The following FTO variants were observed in gnomAD, a reference collection of about 807,000 sequenced individuals.
FTO encodes the protein FTO alpha-ketoglutarate dependent dioxygenase.
In FTO, 47 loss-of-function variants were observed where a neutral mutation model predicts 63.9. The ratio of observed to expected loss-of-function variants is 0.74; its 90% CI spans 0.58 to 0.94. FTO has a LOEUF of 0.94. FTO is among the 40% of genes least tolerant of loss of function. The pLI is 0.00. For missense variants in FTO, 562 were observed against 618.1 expected (o/e 0.91, Z 0.96); for synonymous variants, 207 against 224.4 (o/e 0.92, Z 0.69).
intron 2 of FTO, among the ~76,000 whole-genome samples, chr16:53,819,636 T>C (rs2078796746): frequency 6.6e-6 from 1 of 152,204 alleles, no homozygotes; most frequent in Non-Finnish European, 1.5e-5. Context: ...ATTTTATGAT[T>C]TATTTTATAC....
intron 8 of FTO, among the ~76,000 whole-genome samples, chr16:53,995,389 A>G (rs2083910540): frequency 6.6e-6 from 1 of 152,164 alleles, no homozygotes; most frequent in South Asian, 2.1e-4. Context: ...TTTAAAAGTC[A>G]TTCGTCAGCC....
At chr16:53,732,304 G>C (rs967256694) in intron 1 of FTO, among the ~76,000 whole-genome samples, 1 of 152,074 alleles carries the variant, frequency 6.6e-6, no homozygotes, top group Non-Finnish European at 1.5e-5. Context: ...ACCTGTGTTG[G>C]CCTCCCAAAG....
At chr16:54,075,971 T>C (rs2085982358) in intron 8 of FTO, among the ~76,000 whole-genome samples, 1 of 152,176 alleles carries the variant, frequency 6.6e-6, no homozygotes, top group Admixed American at 6.5e-5. Flanking sequence ...CACTAGAATA[T>C]GCGAGGCCGG....
intron 8 of FTO, among the ~76,000 whole-genome samples, chr16:54,053,323 T>C (rs562311423): frequency 6.6e-6 from 1 of 152,294 alleles, no homozygotes; most frequent in Admixed American, 6.5e-5. Flanking sequence ...CCATGCCCGC[T>C]CCATGTCTCT....
intron 4 of FTO, among the ~76,000 whole-genome samples, chr16:53,844,974 A>C (rs1055488273): frequency 6.6e-6 from 1 of 151,758 alleles, no homozygotes; most frequent in Non-Finnish European, 1.5e-5. Flanking sequence ...TGACCTGACA[A>C]TGGGGCCTTT....
intron 8 of FTO, among the ~76,000 whole-genome samples, chr16:54,021,036 G>T (rs2084587373): frequency 6.6e-6 from 1 of 152,164 alleles, no homozygotes; most frequent in African/African-American, 2.4e-5. Flanking sequence ...CATTTTGGAA[G>T]ATTCATCTTT....
At position 54,032,309 on chromosome 16, in the gene FTO, G is replaced by C. The variant is rs181508899; in HGVS notation, c.1365-79453G>C. ...ATCAATTGGTTTGGAGGATGAAGAA[G>C]AGGAACGAGCCAAGAGTGATTCTCT... On this transcript the variant is annotated intron_variant, in intron 8 of 8. Coordinates refer to ENST00000471389, the MANE Select transcript of FTO (RefSeq NM_001080432.3). Among the ~76,000 whole-genome samples, 27 of 152,314 alleles carry C rather than the reference G, an allele frequency of 1.8e-4. No homozygotes were observed. In the East Asian group the frequency reaches 4.8e-3, roughly 27 times the overall value.
chr16:53,926,108 G>C (rs1355246559), intron 7 of FTO, among the ~76,000 whole-genome samples: 2 of 152,168 alleles, frequency 1.3e-5, no homozygotes, highest in Admixed American at 1.3e-4. Context: ...AATGGAGAAA[G>C]TGGGACTTCT....
intron 8 of FTO, among the ~76,000 whole-genome samples, chr16:53,938,786 G>C (rs1260048059): frequency 6.6e-6 from 1 of 152,126 alleles, no homozygotes; most frequent in Non-Finnish European, 1.5e-5. Context: ...GACTAGAATT[G>C]TTGTGTTACT....
chr16:54,034,667 G>T (rs1411066534), intron 8 of FTO, among the ~76,000 whole-genome samples: 1 of 152,024 alleles, frequency 6.6e-6, no homozygotes, highest in Non-Finnish European at 1.5e-5. Flanking sequence ...TCTTAAAAGG[G>T]GTCATTAATG....
chr16:54,002,111 A>G (rs78720005), intron 8 of FTO, among the ~76,000 whole-genome samples: 1 of 152,354 alleles, frequency 6.6e-6, no homozygotes, highest in African/African-American at 2.4e-5. Context: ...TTTATCTGTT[A>G]TAAAGCTAAA....
At chr16:54,078,804 T>C (rs371793497) in intron 8 of FTO, among the ~76,000 whole-genome samples, 3 of 152,212 alleles carry the variant, frequency 2.0e-5, no homozygotes, top group African/African-American at 7.2e-5. Context: ...TCACGCCTGG[T>C]GGGTCACTTG....
intron 8 of FTO, among the ~76,000 whole-genome samples, chr16:54,039,181 A>G (rs1349322854): frequency 6.6e-6 from 1 of 152,202 alleles, no homozygotes; most frequent in African/African-American, 2.4e-5. Flanking sequence ...TCAAACCATT[A>G]ACTCCCAGAC....
chr16:53,877,910 G>T (rs997375297), intron 5 of FTO, among the ~76,000 whole-genome samples: 1 of 151,944 alleles, frequency 6.6e-6, no homozygotes, highest in Non-Finnish European at 1.5e-5. Flanking sequence ...TTCTAATCTT[G>T]CATGAAAATG....
chr16:53,831,065 G>T (rs930103583), intron 3 of FTO, among the ~76,000 whole-genome samples: 1 of 152,142 alleles, frequency 6.6e-6, no homozygotes, highest in African/African-American at 2.4e-5. Flanking sequence ...GGGAAAAATT[G>T]CATCCCCTTA....
intron 8 of FTO, among the ~76,000 whole-genome samples, chr16:54,007,748 G>T (rs1442999467): frequency 6.6e-6 from 1 of 152,228 alleles, no homozygotes; most frequent in Non-Finnish European, 1.5e-5. Context: ...TGCTGGTCCT[G>T]TGTCGCCAGA....
At chr16:53,970,784 T>C (rs1248244638) in intron 8 of FTO, among the ~76,000 whole-genome samples, 3 of 152,132 alleles carry the variant, frequency 2.0e-5, no homozygotes, top group African/African-American at 7.2e-5. Flanking sequence ...GTGACACTTT[T>C]TGAGTTTTCA....
chr16:53,903,767 C>T (rs1048137708), intron 7 of FTO, among the ~76,000 whole-genome samples: 28 of 151,990 alleles, frequency 1.8e-4, no homozygotes, highest in African/African-American at 5.8e-4. Context: ...TAATACATAA[C>T]GTTTTTCACA....
intron 8 of FTO, among the ~76,000 whole-genome samples, chr16:54,077,739 G>A (rs920823474): frequency 2.0e-5 from 3 of 152,118 alleles, no homozygotes; most frequent in African/African-American, 7.2e-5. Flanking sequence ...CAGATGGCAG[G>A]GGGGCAGGTC....
Sources: allele counts gnomAD v4.1 joint callset (sites outside exome capture counted in the v4.1 genomes callset), GRCh38; gene constraint gnomAD v4.1.1; transcripts MANE v1.5; gene names NCBI Gene and HGNC (gene_info 2026-07-23, HGNC 2026-07-21).